CUBN: variants seen among roughly 807,000 people sequenced by gnomAD.
CUBN encodes the protein cubilin, also known as 460 kDa receptor.
CUBN carries 282 observed loss-of-function variants against 405.3 expected under a neutral mutation model. The ratio of observed to expected loss-of-function variants is 0.70; its 90% CI spans 0.63 to 0.77. The LOEUF (loss-of-function observed/expected upper bound fraction) is 0.77, where lower values mean the gene tolerates loss of function less well. CUBN is among the 30% of genes least tolerant of loss of function. The pLI is 0.00. For missense variants in CUBN, 4,514 were observed against 4,475.2 expected (o/e 1.01, Z -0.25); for synonymous variants, 1,684 against 1,617.0 (o/e 1.04, Z -0.99).
intron 22 of CUBN, among the ~76,000 whole-genome samples, chr10:17,056,978 A>C (rs1162524798): frequency 6.6e-6 from 1 of 152,172 alleles, no homozygotes; most frequent in Non-Finnish European, 1.5e-5. Flanking sequence ...GGAAATGCAA[A>C]ATAAAACCAT....
intron 28 of CUBN, 86 bp from the exon 29 acceptor site, chr10:16,990,601 C>A: frequency 4.8e-6 from 5 of 1,049,062 alleles, no homozygotes; most frequent in East Asian, 2.4e-5. Flanking sequence ...GAAAGGCCAT[C>A]AAAAATATAC....
chr10:16,936,081 C>A (rs1000702487), intron 39 of CUBN, among the ~76,000 whole-genome samples: 15 of 151,486 alleles, frequency 9.9e-5, no homozygotes, highest in African/African-American at 3.6e-4. Flanking sequence ...TTCCTTTTTT[C>A]TTTTTCTTCT....
intron 17 of CUBN, among the ~76,000 whole-genome samples, chr10:17,076,910 T>C (rs1192036401): frequency 6.6e-6 from 1 of 152,214 alleles, no homozygotes. Flanking sequence ...CCACAGACGC[T>C]TTTGGTTTGT....
chr10:17,064,218 C>T, intron 22 of CUBN, among the ~76,000 whole-genome samples: 1 of 152,194 alleles, frequency 6.6e-6, no homozygotes, highest in Non-Finnish European at 1.5e-5. Context: ...CTCTCACACT[C>T]AGGATTCTGG....
In CUBN at chr10:17,123,045, G is replaced by A; in HGVS notation, c.490-147C>T. On this transcript the variant is annotated intron_variant, in intron 5 of 66. Coordinates refer to ENST00000377833, the MANE Select transcript of CUBN (RefSeq NM_001081.4). Reference sequence around the variant, plus strand: ...TACAATAATACTGATATTAACCCCTGGCTATTCTTCCTCTGGAACTCAGAT... The same window carrying A: ...TACAATAATACTGATATTAACCCCTAGCTATTCTTCCTCTGGAACTCAGAT... 1.0e-5 allele frequency: 7 copies of A among 689,474 alleles called. No individual in the cohort carries two copies. The South Asian group carries it at 1.1e-4, about 11-fold the overall frequency. 42.7% of individuals were successfully genotyped at this position (689,474 alleles called of 1,614,324 possible). A position where few individuals can be genotyped will look rare whatever the true frequency, so the allele number is the denominator to read the frequency against.
intron 54 of CUBN, among the ~76,000 whole-genome samples, chr10:16,891,908 CCTTT>C (rs935274515): frequency 2.0e-5 from 3 of 151,960 alleles, no homozygotes; most frequent in Admixed American, 2.0e-4. Flanking sequence ...CCCAATATGC[CCTTT>C]CTATCAACAG....
chr10:16,917,657 C>T (rs1311041033), intron 45 of CUBN, among the ~76,000 whole-genome samples: 2 of 151,940 alleles, frequency 1.3e-5, no homozygotes, highest in Admixed American at 1.3e-4. Context: ...TATATTTCTT[C>T]ACAAATAAGT....
At position 17,041,184 on chromosome 10, in the gene CUBN, C is replaced by T; in HGVS notation, c.3866G>A (p.Gly1289Asp). ...CGGATACCCTATACTCTCTAAGATG[C>T]CATAGGTTTGATTGACTATTACCAC... ...ENVVIVNQTY[G>D]ILESIGYPNP... Residue 1289 changes from glycine to aspartate, a missense_variant, in exon 27 of 67, where the codon GGC becomes GAC. Gly to Asp is a moderately conservative substitution (Grantham distance 94). Around this residue, in one of 5 missense-constraint regions of CUBN, gnomAD observed 242 missense variants for 309.0 expected, o/e 0.78. Coordinates refer to ENST00000377833, the MANE Select transcript of CUBN (RefSeq NM_001081.4). 17 of 1,613,598 alleles carry T rather than the reference C, an allele frequency of 1.1e-5. No homozygotes were observed. The highest frequency in any genetic ancestry group is 1.4e-5 in the Non-Finnish European group (16 of 1,179,722).
chr10:17,026,452 C>T (rs976846162), intron 27 of CUBN, among the ~76,000 whole-genome samples: 1 of 151,796 alleles, frequency 6.6e-6, no homozygotes, highest in African/African-American at 2.4e-5. Context: ...GGCAACATGG[C>T]AAAACCCTGT....
intron 31 of CUBN, among the ~76,000 whole-genome samples, chr10:16,968,131 T>C (rs1481482105): frequency 6.6e-6 from 1 of 152,226 alleles, no homozygotes; most frequent in Admixed American, 6.5e-5. Flanking sequence ...CAGAGTTCTA[T>C]TATTCCTGTG....
chr10:16,948,203 C>T (rs1284533481), intron 35 of CUBN, among the ~76,000 whole-genome samples: 2 of 152,156 alleles, frequency 1.3e-5, no homozygotes, highest in African/African-American at 4.8e-5. Context: ...AGTGAGACTC[C>T]ATCTCAAAAA....
intron 59 of CUBN, among the ~76,000 whole-genome samples, chr10:16,864,942 G>A (rs1334763921): frequency 7.7e-6 from 1 of 129,132 alleles, no homozygotes; most frequent in Non-Finnish European, 1.6e-5. Context: ...GAGCCACCAT[G>A]CCCAGCTTTT....
intron 31 of CUBN, among the ~76,000 whole-genome samples, chr10:16,957,471 T>C (rs974781824): frequency 3.3e-5 from 5 of 152,188 alleles, no homozygotes; most frequent in Non-Finnish European, 7.3e-5. Context: ...AGAGAAGACA[T>C]ACAAATGACC....
intron 22 of CUBN, among the ~76,000 whole-genome samples, chr10:17,049,080 C>A (rs757897435): frequency 2.0e-5 from 3 of 151,934 alleles, no homozygotes; most frequent in Non-Finnish European, 2.9e-5. Flanking sequence ...CTGTAGTCTG[C>A]CAAAATATTT....
intron 31 of CUBN, among the ~76,000 whole-genome samples, chr10:16,970,293 G>A (rs558867929): frequency 2.6e-5 from 4 of 152,198 alleles, no homozygotes; most frequent in Admixed American, 6.5e-5. Context: ...GGCTGGGCAC[G>A]GTGGCTCACG....
At chr10:17,106,721 C>T (rs1403344853) in intron 10 of CUBN, among the ~76,000 whole-genome samples, 1 of 152,096 alleles carries the variant, frequency 6.6e-6, no homozygotes, top group African/African-American at 2.4e-5. Flanking sequence ...TGAGGGGAGC[C>T]CAGAGAGCAA....
At chr10:17,084,989 G>A (rs1836073673) in intron 16 of CUBN, among the ~76,000 whole-genome samples, 1 of 152,138 alleles carries the variant, frequency 6.6e-6, no homozygotes, top group South Asian at 2.1e-4. Flanking sequence ...TCCTGATATT[G>A]AAACTTAAAA....
chr10:16,992,758 A>G (rs1833630674), intron 28 of CUBN, among the ~76,000 whole-genome samples: 1 of 152,192 alleles, frequency 6.6e-6, no homozygotes, highest in Admixed American at 6.5e-5. Context: ...TATTGCACAG[A>G]GCAATATCTT....
chr10:16,903,862 A>T (rs1260290533), intron 51 of CUBN, 104 bp downstream of exon 51: 9 of 735,714 alleles, frequency 1.2e-5, no homozygotes, highest in Middle Eastern at 7.9e-4. Flanking sequence ...CAAAACTAAT[A>T]GCTATGTAGA....
Sources: gnomAD v4.1 joint callset for allele counts (sites outside exome capture counted in the v4.1 genomes callset) on GRCh38, gnomAD v4.1.1 for gene constraint, gnomAD v4.1.1 regional missense constraint, MANE v1.5 for transcripts, NCBI Gene and HGNC (gene_info 2026-07-23, HGNC 2026-07-21) for gene names.